Variants in PTPRD observed in about 807,000 individuals in gnomAD.
The protein encoded by PTPRD is protein tyrosine phosphatase receptor type D.
Under a neutral mutation model 214.5 loss-of-function variants are expected in PTPRD, and 34 were observed. That is an observed-to-expected ratio of 0.16 (90% CI 0.12 to 0.21). The LOEUF (loss-of-function observed/expected upper bound fraction) is 0.21, where lower values mean the gene tolerates loss of function less well. Ranked by LOEUF, PTPRD falls within the 10% of genes least tolerant of loss-of-function variation. The pLI is 1.00. For synonymous variants in PTPRD, 1,128 were observed against 845.7 expected (o/e 1.33, Z -5.79); for missense variants, 2,545 against 2,398.7 (o/e 1.06, Z -1.27).
chr9:8,936,036 CG>C (rs1358165717), intron 11 of PTPRD: 3 of 152,058 alleles, frequency 2.0e-5, no homozygotes, highest in Admixed American at 2.0e-4. Flanking sequence ...CCTCCAAAGA[CG>C]TGTTTGTTTC....
chr9:8,353,817 A>AATATATGT (rs200865664), intron 39 of PTPRD, among the ~76,000 whole-genome samples: 9 of 98,588 alleles, frequency 9.1e-5, no homozygotes, highest in Admixed American at 4.5e-4. Flanking sequence ...CTCAAAAAAA[A>AATATATGT]ATATATGTAT....
chr9:8,513,365 T>C (rs1433747329), intron 21 of PTPRD, among the ~76,000 whole-genome samples: 1 of 152,062 alleles, frequency 6.6e-6, no homozygotes, highest in Non-Finnish European at 1.5e-5. Flanking sequence ...GTGTGACTCA[T>C]ATTAGATCAA....
intron 3 of PTPRD, among the ~76,000 whole-genome samples, chr9:10,279,110 C>T (rs79552273): frequency 0.042 from 6,335 of 152,108 alleles, 377 homozygotes; most frequent in Admixed American, 0.17. Context: ...AACTCTGCCT[C>T]AATCCTCACT....
rs533579011 is a variant in PTPRD at position 9,540,890 on chromosome 9, A to G, written c.-237+33842T>C. ...TACCGCTGGGATGCAAAACGTTGCC[A>G]TAAATTTTTGTTCCTATCCTAATAC... On this transcript the variant is annotated intron_variant, in intron 8 of 45. Coordinates refer to ENST00000381196, the MANE Select transcript of PTPRD (RefSeq NM_002839.4). Among the ~76,000 whole-genome samples the G allele has an allele frequency of 8.6e-5, 13 of 151,956 alleles. No homozygotes were observed. The South Asian group carries it at 2.5e-3, about 29-fold the overall frequency.
intron 2 of PTPRD, among the ~76,000 whole-genome samples, chr9:10,511,934 G>GTGTGTA (rs1566639838): frequency 1.6e-5 from 1 of 62,856 alleles, no homozygotes; most frequent in Non-Finnish European, 3.3e-5. Context: ...ATATATACGT[G>GTGTGTA]TATATATATA....
At chr9:8,319,993 C>T (rs1449997515) in intron 44 of PTPRD, 27 bp from the exon 45 acceptor site, 1 of 1,608,114 alleles carries the variant, frequency 6.2e-7, no homozygotes, top group South Asian at 1.1e-5. Context: ...GGCGATGTTA[C>T]TGGGTGAGAT....
intron 5 of PTPRD, among the ~76,000 whole-genome samples, chr9:9,868,781 C>T (rs1482226219): frequency 6.6e-6 from 1 of 151,046 alleles, no homozygotes; most frequent in Non-Finnish European, 1.5e-5. Flanking sequence ...GCACAAATGA[C>T]TTATAAACAA....
At chr9:10,130,220 A>T (rs1230884168) in intron 3 of PTPRD, among the ~76,000 whole-genome samples, 1 of 148,564 alleles carries the variant, frequency 6.7e-6, no homozygotes, top group East Asian at 2.0e-4. Flanking sequence ...CATAATATTC[A>T]CATTCCAATT....
chr9:9,761,590 C>T (rs1418769573), intron 6 of PTPRD, among the ~76,000 whole-genome samples: 1 of 152,040 alleles, frequency 6.6e-6, no homozygotes, highest in African/African-American at 2.4e-5. Context: ...GGGTTTATCT[C>T]AATTTCAATA....
intron 36 of PTPRD, among the ~76,000 whole-genome samples, chr9:8,392,057 C>G (rs914062298): frequency 2.6e-5 from 4 of 151,976 alleles, no homozygotes; most frequent in African/African-American, 9.7e-5. Context: ...CTACTAGGCA[C>G]CAGGAATCAA....
intron 5 of PTPRD, among the ~76,000 whole-genome samples, chr9:9,850,542 T>A (rs1267869740): frequency 6.6e-6 from 1 of 151,220 alleles, no homozygotes; most frequent in Admixed American, 6.6e-5. Flanking sequence ...ATTTAATATT[T>A]CATTTTTATA....
intron 4 of PTPRD, among the ~76,000 whole-genome samples, chr9:10,018,521 A>C (rs190175062): frequency 2.6e-5 from 3 of 117,550 alleles, no homozygotes; most frequent in African/African-American, 8.6e-5. Flanking sequence ...AAAATGATTT[A>C]TTTAAGAATT....
intron 3 of PTPRD, among the ~76,000 whole-genome samples, chr9:10,275,905 G>C (rs2094658238): frequency 6.6e-6 from 1 of 152,128 alleles, no homozygotes; most frequent in Non-Finnish European, 1.5e-5. Flanking sequence ...TGGCACAAGG[G>C]GTTTGAGAGC....
chr9:8,810,721 G>A (rs2096785138), intron 11 of PTPRD, among the ~76,000 whole-genome samples: 1 of 152,164 alleles, frequency 6.6e-6, no homozygotes, highest in Admixed American at 6.5e-5. Flanking sequence ...CCCTGAAAGT[G>A]GAGCCTGAGA....
chr9:10,477,041 C>T (rs1327264568), intron 2 of PTPRD, among the ~76,000 whole-genome samples: 1 of 152,024 alleles, frequency 6.6e-6, no homozygotes, highest in Non-Finnish European at 1.5e-5. Flanking sequence ...AGAAGGAAAC[C>T]TAGGCAATAC....
intron 7 of PTPRD, among the ~76,000 whole-genome samples, chr9:9,589,696 C>G (rs583921): frequency 0.31 from 47,481 of 151,836 alleles, 7,862 homozygotes; most frequent in Non-Finnish European, 0.36. Flanking sequence ...ATAAGACAAC[C>G]CATTATTTCA....
At chr9:8,775,646 G>C (rs1180096011) in intron 11 of PTPRD, among the ~76,000 whole-genome samples, 1 of 152,130 alleles carries the variant, frequency 6.6e-6, no homozygotes, top group African/African-American at 2.4e-5. Flanking sequence ...TGGGCATTTT[G>C]CATGATGCTC....
At chr9:9,142,476 A>T (rs2154481562) in intron 10 of PTPRD, among the ~76,000 whole-genome samples, 1 of 152,318 alleles carries the variant, frequency 6.6e-6, no homozygotes, top group East Asian at 1.9e-4. Context: ...TTCAAAATTA[A>T]TTTACTCCTT....
At chr9:9,877,058 A>G (rs948863160) in intron 5 of PTPRD, among the ~76,000 whole-genome samples, 2 of 152,120 alleles carry the variant, frequency 1.3e-5, no homozygotes, top group Admixed American at 6.6e-5. Flanking sequence ...TGATGCCTGA[A>G]TGCTACAGAA....
Sources: allele counts gnomAD v4.1 joint callset (sites outside exome capture counted in the v4.1 genomes callset), GRCh38; gene constraint gnomAD v4.1.1; transcripts MANE v1.5; gene names NCBI Gene and HGNC (gene_info 2026-07-23, HGNC 2026-07-21).